Variants in RNASEH2B observed in about 807,000 individuals in gnomAD.
RNASEH2B encodes the protein ribonuclease H2 subunit B, also known as Aicardi-Goutieres syndrome 2 protein.
A neutral mutation model predicts 45.0 loss-of-function variants in RNASEH2B; 36 were observed. The ratio of observed to expected loss-of-function variants is 0.80; its 90% CI spans 0.61 to 1.06. The LOEUF is 1.06. Among genes scored for constraint, RNASEH2B ranks in the 50% least tolerant of loss-of-function variants. The pLI, the probability that RNASEH2B is intolerant of heterozygous loss-of-function variation, is 0.00. For missense variants in RNASEH2B, 361 were observed against 360.3 expected, an observed-to-expected ratio of 1.00 and a Z score of -0.02; for synonymous variants, 119 against 125.7, an observed-to-expected ratio of 0.95 and a Z score of 0.35.
intron 1 of RNASEH2B, among the ~76,000 whole-genome samples, chr13:50,918,757 A>G (rs1485513409): frequency 1.3e-5 from 2 of 152,210 alleles, no homozygotes; most frequent in African/African-American, 2.4e-5. Context: ...TTTCCAAGGA[A>G]GTATCTGGCA....
At chr13:50,953,835 G>GTT in intron 9 of RNASEH2B, 70 bp from the exon 10 acceptor site, 16 of 1,016,502 alleles carry the variant, frequency 1.6e-5, no homozygotes, top group Non-Finnish European at 2.0e-5. Context: ...TACATGTTGG[G>GTT]TTTTTTTTTA....
In RNASEH2B at chr13:50,909,953, G is replaced by T. The variant is rs1050759505; in HGVS notation, c.-124G>T. The T allele has an allele frequency of 8.3e-6, 6 of 721,282 alleles. No individual in the cohort carries two copies. In the East Asian group the frequency reaches 2.0e-4, roughly 25 times the overall value. 44.7% of individuals were successfully genotyped at this position (721,282 alleles called of 1,614,324 possible). A position where few individuals can be genotyped will look rare whatever the true frequency, so the allele number is the denominator to read the frequency against. ...ATTCGGTCCCTGGGCCTCCTCCCGG[G>T]CGCTGCCGGTCCCTCAGCGCGCCGC... is the stretch of plus-strand genomic sequence containing the variant. On this transcript the variant is annotated 5_prime_UTR_variant, in exon 1 of 11. Transcript: ENST00000336617.
At chr13:50,965,393 CT>C (rs35513798) in intron 9 of RNASEH2B, among the ~76,000 whole-genome samples, 2 of 152,336 alleles carry the variant, frequency 1.3e-5, no homozygotes, top group Non-Finnish European at 2.9e-5. Context: ...CTTAGCAACA[CT>C]TTTCCCATAA....
chr13:50,942,597 A>T (rs1483300561), intron 5 of RNASEH2B: 1 of 152,238 alleles, frequency 6.6e-6, no homozygotes, highest in African/African-American at 2.4e-5. Flanking sequence ...TGAGCTTAAA[A>T]TTATTCAGAA....
At chr13:50,949,715 A>T (rs1410743842) in intron 9 of RNASEH2B, among the ~76,000 whole-genome samples, 1 of 152,190 alleles carries the variant, frequency 6.6e-6, no homozygotes, top group Non-Finnish European at 1.5e-5. Context: ...AGTGCCATGA[A>T]AACCCAAGAA....
At chr13:50,945,355 C>A in intron 6 of RNASEH2B, 72 bp from the exon 7 acceptor site, 1 of 1,014,090 alleles carries the variant, frequency 9.9e-7, no homozygotes, top group Non-Finnish European at 1.6e-6. Flanking sequence ...GTCTGAAGGC[C>A]ACCTATGAAT....
At chr13:50,943,237 T>C in intron 5 of RNASEH2B, 84 bp from the exon 6 acceptor site, 1 of 805,088 alleles carries the variant, frequency 1.2e-6, no homozygotes, top group Non-Finnish European at 2.1e-6. Context: ...AAATATTCTT[T>C]AAATGGTTAA....
intron 1 of RNASEH2B, among the ~76,000 whole-genome samples, chr13:50,916,806 C>T (rs1879771097): frequency 6.6e-6 from 1 of 152,120 alleles, no homozygotes; most frequent in African/African-American, 2.4e-5. Context: ...TTGTGTGTTA[C>T]AAAATCAAAC....
At chr13:50,960,885 A>G (rs9535537), downstream of RNASEH2B, among the ~76,000 whole-genome samples, 17,556 of 152,176 alleles carry the variant, frequency 0.12, 1,173 homozygotes, top group African/African-American at 0.18. Flanking sequence ...TAGAGGTAAA[A>G]CTATCTAGCA....
chr13:50,942,436 C>G (rs1488968123), intron 5 of RNASEH2B: 1 of 152,090 alleles, frequency 6.6e-6, no homozygotes, highest in Admixed American at 6.5e-5. Context: ...CCCCAATCCC[C>G]AATACCAGGC....
chr13:50,935,487 A>G (rs1293625191), intron 5 of RNASEH2B: 2 of 183,518 alleles, frequency 1.1e-5, no homozygotes, highest in African/African-American at 2.4e-5. Flanking sequence ...CAAGCTGAGC[A>G]GTGACCGCAC....
At chr13:50,969,547 G>T (rs1173908920) in intron 9 of RNASEH2B, among the ~76,000 whole-genome samples, 2 of 148,206 alleles carry the variant, frequency 1.3e-5, no homozygotes, top group Non-Finnish European at 3.0e-5. Flanking sequence ...AAGAAAAATG[G>T]TTTAAGAATT....
At chr13:50,920,741 G>A (rs1951513770) in intron 1 of RNASEH2B, among the ~76,000 whole-genome samples, 1 of 152,180 alleles carries the variant, frequency 6.6e-6, no homozygotes, top group South Asian at 2.1e-4. Flanking sequence ...CTAGACAAGT[G>A]AAATTTGGCT....
chr13:50,961,367 C>T (rs148678900), downstream of RNASEH2B, among the ~76,000 whole-genome samples: 1 of 151,962 alleles, frequency 6.6e-6, no homozygotes, highest in Admixed American at 6.6e-5. Flanking sequence ...TTGCTTCTTC[C>T]CTCATTTATG....
downstream of RNASEH2B, among the ~76,000 whole-genome samples, chr13:50,957,700 G>A (rs1307709609): frequency 1.3e-5 from 2 of 152,156 alleles, no homozygotes; most frequent in African/African-American, 4.8e-5. Context: ...GCTTTCCATA[G>A]TGGCTGAACT....
chr13:50,916,471 A>G (rs1879751626), intron 1 of RNASEH2B, among the ~76,000 whole-genome samples: 1 of 152,240 alleles, frequency 6.6e-6, no homozygotes, highest in Admixed American at 6.5e-5. Flanking sequence ...TTAGGCTTTG[A>G]ACATTGAAGA....
chr13:50,931,027 G>T (rs1951675202), intron 4 of RNASEH2B, among the ~76,000 whole-genome samples: 2 of 152,134 alleles, frequency 1.3e-5, no homozygotes, highest in East Asian at 1.9e-4. Context: ...GCACCTTACT[G>T]CTTGACAAAG....
chr13:50,938,536 A>G (rs530539399), intron 5 of RNASEH2B: 1 of 152,108 alleles, frequency 6.6e-6, no homozygotes, highest in South Asian at 2.1e-4. Flanking sequence ...GAGGAAGACA[A>G]TTTTTCCATG....
intron 1 of RNASEH2B, among the ~76,000 whole-genome samples, chr13:50,920,670 C>G (rs1416770670): frequency 6.6e-6 from 1 of 152,176 alleles, no homozygotes; most frequent in East Asian, 1.9e-4. Context: ...TATAGCTACT[C>G]TTTTAAAAAT....
Sources: allele counts gnomAD v4.1 joint callset (sites outside exome capture counted in the v4.1 genomes callset), GRCh38; gene constraint gnomAD v4.1.1; transcripts MANE v1.5; gene names NCBI Gene and HGNC (gene_info 2026-07-23, HGNC 2026-07-21).